TATDN3: variants seen among roughly 807,000 people sequenced by gnomAD.
The protein encoded by TATDN3 is TatD DNase domain containing 3.
TATDN3 carries 29 observed loss-of-function variants against 40.1 expected under a neutral mutation model. That is an observed-to-expected ratio of 0.72 (90% CI 0.54 to 0.99). The LOEUF is 0.99. TATDN3 is among the 50% of genes least tolerant of loss of function. The probability of loss-of-function intolerance (pLI) is 0.00; values close to 1 mark genes in which losing one functional copy is unlikely to be tolerated. For synonymous variants in TATDN3, 105 were observed against 117.0 expected (o/e 0.90, Z 0.66); for missense variants, 309 against 321.9 (o/e 0.96, Z 0.31).
At chr1:212,806,583 C>T (rs886602859) in intron 7 of TATDN3, among the ~76,000 whole-genome samples, 4 of 150,084 alleles carry the variant, frequency 2.7e-5, no homozygotes, top group Non-Finnish European at 4.4e-5. Context: ...CACCATGTTG[C>T]CCAGGCTGGT....
In TATDN3 at chr1:212,806,726, T is replaced by TTCTC. The variant is rs1553257489; in HGVS notation, c.488-993_488-990dup. On this transcript the variant is annotated intron_variant, in intron 7 of 9. Coordinates refer to ENST00000366974, the MANE Select transcript of TATDN3 (RefSeq NM_001042552.3). ...TTTTATTCTGAAGATTAAGAATTTA[T>TTCTC]TCTCTCTCTCTCTCTCTCTCCATAT... is the stretch of plus-strand genomic sequence containing the variant. 1.2e-3 allele frequency among the ~76,000 whole-genome samples: 85 copies of TTCTC among 73,270 alleles called. 4 individuals are homozygous for TTCTC. Among genetic ancestry groups the TTCTC allele is most frequent in the Non-Finnish European group, 2.4e-3 (73 of 30,560 alleles). 48.1% of individuals were successfully genotyped at this position (73,270 alleles called of 152,430 possible).
chr1:212,802,273 G>A (rs1662217289), intron 4 of TATDN3, among the ~76,000 whole-genome samples: 1 of 152,156 alleles, frequency 6.6e-6, no homozygotes, highest in African/African-American at 2.4e-5. Context: ...AGGAAGTATG[G>A]GATTATCATT....
At chr1:212,813,237 A>C (rs189752364) in intron 9 of TATDN3, among the ~76,000 whole-genome samples, 1 of 152,290 alleles carries the variant, frequency 6.6e-6, no homozygotes, top group East Asian at 1.9e-4. Context: ...GCCACAAAGA[A>C]TCATATTTTA....
intron 2 of TATDN3, among the ~76,000 whole-genome samples, chr1:212,795,434 A>G (rs528966303): frequency 1.5e-4 from 23 of 150,646 alleles, no homozygotes; most frequent in Admixed American, 8.0e-4. Flanking sequence ...CTGCACCCAG[A>G]TAATTTTTGT....
chr1:212,814,654 C>T (rs1302673194), intron 9 of TATDN3, among the ~76,000 whole-genome samples: 2 of 152,114 alleles, frequency 1.3e-5, no homozygotes, highest in Non-Finnish European at 1.5e-5. Flanking sequence ...GTGAGGTAGG[C>T]GGCCAAGCAG....
intron 4 of TATDN3, among the ~76,000 whole-genome samples, chr1:212,798,248 C>T (rs1303669614): frequency 6.6e-6 from 1 of 151,886 alleles, no homozygotes; most frequent in East Asian, 1.9e-4. Flanking sequence ...ATCGTTTGAA[C>T]CCAGGAGGCG....
At chr1:212,814,672 G>T (rs1428347426) in intron 9 of TATDN3, among the ~76,000 whole-genome samples, 3 of 152,194 alleles carry the variant, frequency 2.0e-5, no homozygotes, top group Admixed American at 2.0e-4. Context: ...CAGCAGAGCA[G>T]TGACCTTTTA....
intron 9 of TATDN3, 142 bp from the exon 10 acceptor site, chr1:212,814,871 C>T: frequency 2.4e-6 from 2 of 846,332 alleles, no homozygotes; most frequent in Admixed American, 5.1e-5. Flanking sequence ...CCCTCCCAGC[C>T]CTCATCCCCA....
chr1:212,795,409 T>G (rs2102430190), intron 2 of TATDN3, among the ~76,000 whole-genome samples: 1 of 152,136 alleles, frequency 6.6e-6, no homozygotes, highest in East Asian at 1.9e-4. Flanking sequence ...TAGCTGGGAC[T>G]ATAGGCACAC....
chr1:212,810,092 G>A (rs6675972), intron 8 of TATDN3, among the ~76,000 whole-genome samples: 1,730 of 152,032 alleles, frequency 0.011, 32 homozygotes, highest in African/African-American at 0.036. Context: ...GGCCAGGCAC[G>A]GAGGCTCATA....
chr1:212,806,843 TAC>T (rs1662551538), intron 7 of TATDN3, among the ~76,000 whole-genome samples: 1 of 96,072 alleles, frequency 1.0e-5, no homozygotes, highest in Non-Finnish European at 2.0e-5. Context: ...TATACATATA[TAC>T]ACATATATAC....
chr1:212,794,577 T>G, intron 1 of TATDN3: 1 of 334,628 alleles, frequency 3.0e-6, no homozygotes, highest in South Asian at 2.4e-5. Flanking sequence ...GAGACAAGAG[T>G]GAAACTTCAT....
At chr1:212,798,536 C>CAAAAAAAAAACA (rs1661960404) in intron 4 of TATDN3, among the ~76,000 whole-genome samples, 1 of 91,320 alleles carries the variant, frequency 1.1e-5, no homozygotes, top group African/African-American at 4.1e-5. Flanking sequence ...CTCAAAAACT[C>CAAAAAAAAAACA]AAAAAAAAAA....
At position 212,815,288 on chromosome 1, in the gene TATDN3, A is replaced by C. The variant is rs1448697550; in HGVS notation, c.*132A>C. The stretch of plus-strand genomic sequence containing the variant: ...TATAGAAGATTGTAATTGTAGAGAA[A>C]TATTTCTCTTAGAAATAAAACTGGG... On this transcript the variant is annotated 3_prime_UTR_variant, in exon 10 of 10. Coordinates refer to ENST00000366974, the MANE Select transcript of TATDN3 (RefSeq NM_001042552.3). The C allele has an allele frequency of 9.3e-7, 1 of 1,076,808 alleles. No individual in the cohort carries two copies. Among genetic ancestry groups the C allele is most frequent in the African/African-American group, 1.6e-5 (1 of 61,044 alleles). 66.7% of individuals were successfully genotyped at this position (1,076,808 alleles called of 1,614,324 possible). A position where few individuals can be genotyped will look rare whatever the true frequency, so the allele number is the denominator to read the frequency against.
chr1:212,815,034 A>C lies in TATDN3; in HGVS notation c.703A>C (p.Ile235Leu), dbSNP rs1571980460. 1.2e-6 allele frequency: 2 copies of C among 1,613,680 alleles called. No individual in the cohort carries two copies. The highest frequency in any genetic ancestry group is 1.7e-6 in the Non-Finnish European group (2 of 1,179,896). The change falls in exon 10 of 10, where the codon ATT becomes CTT. Residue 235 changes from isoleucine to leucine, a missense_variant. Coordinates refer to ENST00000366974, the MANE Select transcript of TATDN3 (RefSeq NM_001042552.3). Reference sequence around the variant, plus strand: ...TCAGGTACGGAATGAGCCCTGGAACATTTCTATTTCAGCAGAATATATTGC... The same window carrying C: ...TCAGGTACGGAATGAGCCCTGGAACCTTTCTATTTCAGCAGAATATATTGC... ...EKQVRNEPWN[I>L]SISAEYIAQV...
At chr1:212,814,861 C>G (rs1172008941) in intron 9 of TATDN3, 152 bp from the exon 10 acceptor site, 2 of 755,256 alleles carry the variant, frequency 2.6e-6, no homozygotes, top group Non-Finnish European at 4.2e-6. Context: ...AGCCACACCT[C>G]CCTCCCAGCC....
At chr1:212,798,919 A>C (rs1171717555) in intron 4 of TATDN3, among the ~76,000 whole-genome samples, 1 of 152,240 alleles carries the variant, frequency 6.6e-6, no homozygotes, top group Non-Finnish European at 1.5e-5. Flanking sequence ...ACAGTAAAAC[A>C]AGATTATATA....
chr1:212,806,911 C>T (rs1396070611), intron 7 of TATDN3, among the ~76,000 whole-genome samples: 1 of 107,686 alleles, frequency 9.3e-6, no homozygotes, highest in Non-Finnish European at 1.9e-5. Flanking sequence ...TATGTATATA[C>T]ACATATATAC....
intron 5 of TATDN3, among the ~76,000 whole-genome samples, chr1:212,803,554 C>G (rs752990665): frequency 6.6e-6 from 1 of 151,956 alleles, no homozygotes; most frequent in African/African-American, 2.4e-5. Flanking sequence ...AAGAATAACA[C>G]TTAAATTCAG....
Sources: allele counts gnomAD v4.1 joint callset (sites outside exome capture counted in the v4.1 genomes callset), GRCh38; gene constraint gnomAD v4.1.1; transcripts MANE v1.5; gene names NCBI Gene and HGNC (gene_info 2026-07-23, HGNC 2026-07-21).